The following RETREG1 variants were observed in gnomAD, a reference collection of about 807,000 sequenced individuals.
RETREG1 encodes family with sequence similarity 134 member B.
Under a neutral mutation model 54.8 loss-of-function variants are expected in RETREG1, and 44 were observed. That is an observed-to-expected ratio of 0.80 (90% CI 0.63 to 1.03). RETREG1 has a LOEUF of 1.03. Among genes scored for constraint, RETREG1 ranks in the 50% least tolerant of loss-of-function variants. The probability of loss-of-function intolerance (pLI) is 0.00; values close to 1 mark genes in which losing one functional copy is unlikely to be tolerated. For synonymous variants in RETREG1, 217 were observed against 238.5 expected (o/e 0.91, Z 0.83); for missense variants, 554 against 605.1 (o/e 0.92, Z 0.89).
At chr5:16,481,465 C>T (rs1738771087) in intron 4 of RETREG1, among the ~76,000 whole-genome samples, 1 of 152,016 alleles carries the variant, frequency 6.6e-6, no homozygotes, top group South Asian at 2.1e-4. Context: ...TTAATGCGGC[C>T]TGATAACTAC....
chr5:16,528,710 G>A (rs572869326), intron 3 of RETREG1, among the ~76,000 whole-genome samples: 3 of 152,298 alleles, frequency 2.0e-5, no homozygotes, highest in Admixed American at 2.0e-4. Flanking sequence ...CTCCTTCAAA[G>A]CACCTGTCTG....
intron 5 of RETREG1, among the ~76,000 whole-genome samples, chr5:16,480,376 A>G (rs940538497): frequency 1.3e-5 from 2 of 152,046 alleles, no homozygotes; most frequent in Non-Finnish European, 2.9e-5. Context: ...CATTCCTCCA[A>G]TTGATGGATG....
At chr5:16,525,779 G>GAA (rs1262635967) in intron 3 of RETREG1, among the ~76,000 whole-genome samples, 2 of 151,328 alleles carry the variant, frequency 1.3e-5, no homozygotes, top group African/African-American at 4.9e-5. Flanking sequence ...GAGGGAGAGA[G>GAA]AGATTGATTT....
chr5:16,595,374 G>A (rs1226507655), intron 1 of RETREG1, among the ~76,000 whole-genome samples: 1 of 152,140 alleles, frequency 6.6e-6, no homozygotes, highest in African/African-American at 2.4e-5. Context: ...AGCTCTTTCA[G>A]AGAGAATTTA....
At chr5:16,489,082 C>CAAAAAAAAAAA (rs567475517) in intron 3 of RETREG1, among the ~76,000 whole-genome samples, 1 of 62,934 alleles carries the variant, frequency 1.6e-5, no homozygotes, top group Non-Finnish European at 2.8e-5. Context: ...GATTCTGTCT[C>CAAAAAAAAAAA]AAAAAAAAAA....
rs570347672 is a variant in RETREG1, at chr5:16,610,952, C to T, written c.320+5700G>A. Among the ~76,000 whole-genome samples the T allele has an allele frequency of 2.0e-5, 3 of 152,324 alleles. No individual in the cohort carries two copies. The South Asian group carries it at 6.2e-4, about 32-fold the overall frequency. On this transcript the variant is annotated intron_variant, in intron 1 of 8. Transcript: ENST00000306320. ...AATCATGCTGCTATAAAGACACATG[C>T]ACACATATGTTTATTGCGGCACTAT...
chr5:16,589,236 T>G (rs1048287868), intron 1 of RETREG1, among the ~76,000 whole-genome samples: 2 of 152,060 alleles, frequency 1.3e-5, no homozygotes, highest in African/African-American at 4.8e-5. Context: ...AAAACAGTGT[T>G]GACACTCTTG....
intron 1 of RETREG1, among the ~76,000 whole-genome samples, chr5:16,577,395 T>C (rs527867810): frequency 7.2e-5 from 11 of 152,012 alleles, no homozygotes; most frequent in African/African-American, 2.7e-4. Context: ...CTTGCACTAT[T>C]GGCAGCCACA....
intron 3 of RETREG1, chr5:16,508,822 C>A (rs1011761899): frequency 1.4e-6 from 2 of 1,437,694 alleles, no homozygotes; most frequent in African/African-American, 1.4e-5. Flanking sequence ...GCCTGCCTCC[C>A]TTGAATGAAG....
chr5:16,552,520 A>G (rs143368179), intron 3 of RETREG1, among the ~76,000 whole-genome samples: 45 of 152,378 alleles, frequency 3.0e-4, no homozygotes, highest in African/African-American at 1.1e-3. Flanking sequence ...TTTAGTTCTT[A>G]GAGACCTCAC....
chr5:16,517,759 A>G (rs1740405710), intron 3 of RETREG1, among the ~76,000 whole-genome samples: 1 of 152,216 alleles, frequency 6.6e-6, no homozygotes, highest in Non-Finnish European at 1.5e-5. Context: ...TTACATGCAT[A>G]TACATTTATA....
chr5:16,490,387 A>G (rs894158736), intron 3 of RETREG1, among the ~76,000 whole-genome samples: 2 of 152,234 alleles, frequency 1.3e-5, no homozygotes, highest in East Asian at 3.9e-4. Context: ...ACAGATTACT[A>G]TGACAGTTTT....
At chr5:16,521,436 T>C (rs1476269588) in intron 3 of RETREG1, among the ~76,000 whole-genome samples, 2 of 152,360 alleles carry the variant, frequency 1.3e-5, no homozygotes, top group African/African-American at 4.8e-5. Flanking sequence ...TCTAAGGTGA[T>C]ACGGCTTGTG....
rs560916245 is a variant in RETREG1, at chr5:16,600,906, A to G, written c.320+15746T>C. The stretch of plus-strand genomic sequence containing the variant: ...AGGAAAAAAAATCAAAAATGAGGAA[A>G]ATGTCTTGGAACAAAAAATGAGACC... On this transcript the variant is annotated intron_variant, in intron 1 of 8. Transcript: ENST00000306320. Among the ~76,000 whole-genome samples the G allele has an allele frequency of 2.6e-5, 4 of 152,322 alleles. No individual in the cohort carries two copies. In the East Asian group the frequency reaches 7.7e-4, roughly 29 times the overall value.
Position 16,561,236 on chromosome 5 carries a change from A to G in RETREG1, c.458+4527T>C, listed in dbSNP as rs7724068. On this transcript the variant is annotated intron_variant, in intron 3 of 8. Transcript: ENST00000306320. This position sits in a 1 kb window ranked among gnomAD's most constrained non-coding sequence, Gnocchi z 4.2. The stretch of plus-strand genomic sequence containing the variant: ...CTTCCCGCCGGGCGCAGTGGCTCAC[A>G]CCTGTAATCCCAGCACTTTGGGAGG... 0.064 allele frequency among the ~76,000 whole-genome samples: 9,787 copies of G among 152,152 alleles called. 993 individuals are homozygous for G. The highest frequency in any genetic ancestry group is 0.22 in the African/African-American group (9,240 of 41,496).
At chr5:16,521,983 C>T (rs1318826015) in intron 3 of RETREG1, among the ~76,000 whole-genome samples, 1 of 152,118 alleles carries the variant, frequency 6.6e-6, no homozygotes, top group African/African-American at 2.4e-5. Context: ...TGCCACGTAC[C>T]ATCTGACGGC....
chr5:16,537,350 C>T (rs1741102827), intron 3 of RETREG1, among the ~76,000 whole-genome samples: 1 of 152,222 alleles, frequency 6.6e-6, no homozygotes. Flanking sequence ...AACTCCTCTC[C>T]ACTGCCTGGA....
At chr5:16,536,444 A>T (rs964143797) in intron 3 of RETREG1, among the ~76,000 whole-genome samples, 2 of 152,220 alleles carry the variant, frequency 1.3e-5, no homozygotes, top group Non-Finnish European at 2.9e-5. Flanking sequence ...GAGTGACAGG[A>T]CCATTAGTCA....
At chr5:16,517,278 G>A (rs1329906962) in intron 3 of RETREG1, among the ~76,000 whole-genome samples, 1 of 152,092 alleles carries the variant, frequency 6.6e-6, no homozygotes, top group Admixed American at 6.5e-5. Flanking sequence ...GTGTAGGCCT[G>A]ACCTGAACAC....
Sources: gnomAD v4.1 joint callset for allele counts (sites outside exome capture counted in the v4.1 genomes callset) on GRCh38, gnomAD v4.1.1 for gene constraint, Gnocchi (gnomAD v3.1) non-coding constraint, MANE v1.5 for transcripts, NCBI Gene and HGNC (gene_info 2026-07-23, HGNC 2026-07-21) for gene names.